The following SAMMSON variants were observed in gnomAD, a reference collection of about 807,000 sequenced individuals.
The protein encoded by SAMMSON is long intergenic non-protein coding RNA 1212.
At chr3:70,198,524 A>C (rs1320165312) in intron 4 of SAMMSON, among the ~76,000 whole-genome samples, 2 of 152,230 alleles carry the variant, frequency 1.3e-5, no homozygotes, top group Non-Finnish European at 2.9e-5. Context: ...TCTTGTAAAA[A>C]CACTATATAA....
At chr3:70,288,801 T>C (rs1458498716) in intron 6 of SAMMSON, among the ~76,000 whole-genome samples, 1 of 151,884 alleles carries the variant, frequency 6.6e-6, no homozygotes, top group Admixed American at 6.6e-5. Flanking sequence ...TTGATCCCTT[T>C]ACCATTATGT....
intron 6 of SAMMSON, among the ~76,000 whole-genome samples, chr3:70,253,104 AC>A: frequency 6.6e-6 from 1 of 152,300 alleles, no homozygotes; most frequent in Non-Finnish European, 1.5e-5. Context: ...TCGAAGAGAA[AC>A]TAATACCTAA....
At chr3:70,345,203 G>C (rs73106688) in intron 7 of SAMMSON, among the ~76,000 whole-genome samples, 1 of 151,854 alleles carries the variant, frequency 6.6e-6, no homozygotes, top group Non-Finnish European at 1.5e-5. Context: ...GAGTAATCTA[G>C]TTCTCAATAT....
intron 4 of SAMMSON, chr3:70,172,988 C>T (rs1052920005): frequency 2.6e-5 from 4 of 151,850 alleles, no homozygotes; most frequent in Non-Finnish European, 4.4e-5. Context: ...ATTTTCTACT[C>T]TTAATCGTTT....
chr3:70,188,074 C>T (rs952067933), intron 4 of SAMMSON, among the ~76,000 whole-genome samples: 3 of 152,198 alleles, frequency 2.0e-5, no homozygotes, highest in Non-Finnish European at 4.4e-5. Context: ...AAACTCGTCT[C>T]TATCTGTCTG....
At chr3:70,138,593 C>T (rs1486937478) in intron 4 of SAMMSON, among the ~76,000 whole-genome samples, 1 of 152,146 alleles carries the variant, frequency 6.6e-6, no homozygotes, top group Non-Finnish European at 1.5e-5. Context: ...ACATTTAGTC[C>T]ATTGCATTCT....
chr3:70,126,002 G>C, intron 4 of SAMMSON: 1 of 820,020 alleles, frequency 1.2e-6, no homozygotes. Flanking sequence ...TAGATGGGAG[G>C]CTGCGCAGTA....
chr3:70,404,435 C>A (rs1208307507), intron 2 of SAMMSON, among the ~76,000 whole-genome samples: 15 of 152,024 alleles, frequency 9.9e-5, no homozygotes, highest in Admixed American at 9.8e-4. Context: ...TTCAGAGATA[C>A]CCGGTAGACA....
At chr3:70,013,339 G>A (rs1442514285) in intron 2 of SAMMSON, among the ~76,000 whole-genome samples, 1 of 152,098 alleles carries the variant, frequency 6.6e-6, no homozygotes, top group South Asian at 2.1e-4. Context: ...GTTGTTATGA[G>A]GAGTAAAATC....
intron 4 of SAMMSON, among the ~76,000 whole-genome samples, chr3:70,080,834 G>A (rs2106640964): frequency 6.6e-6 from 1 of 152,122 alleles, no homozygotes; most frequent in Middle Eastern, 3.4e-3. Flanking sequence ...CCTTAGAAGT[G>A]TGAAAAAAGA....
chr3:70,126,769 G>A (rs573727084), intron 4 of SAMMSON: 6 of 232,870 alleles, frequency 2.6e-5, no homozygotes, highest in South Asian at 2.4e-4. Context: ...AGGCTGGAGT[G>A]CAGTGGCACA....
intron 3 of SAMMSON, among the ~76,000 whole-genome samples, chr3:70,053,819 C>G (rs2067156418): frequency 6.6e-6 from 1 of 151,928 alleles, no homozygotes; most frequent in Non-Finnish European, 1.5e-5. Context: ...TGGATATACC[C>G]ACATGTTGGG....
chr3:70,334,666 A>G (rs144709717), intron 7 of SAMMSON, among the ~76,000 whole-genome samples: 1 of 152,180 alleles, frequency 6.6e-6, no homozygotes, highest in African/African-American at 2.4e-5. Context: ...ATTTTGTTCA[A>G]TACTCACAAC....
intron 4 of SAMMSON, among the ~76,000 whole-genome samples, chr3:70,189,962 G>A (rs1341510034): frequency 5.3e-5 from 8 of 152,048 alleles, no homozygotes; most frequent in African/African-American, 1.9e-4. Flanking sequence ...GCCAAGAATT[G>A]GATTTGTTCC....
At chr3:70,294,416 G>A (rs943925041) in intron 7 of SAMMSON, among the ~76,000 whole-genome samples, 13 of 151,996 alleles carry the variant, frequency 8.6e-5, no homozygotes, top group African/African-American at 2.2e-4. Flanking sequence ...CTGTAGGTAC[G>A]TAGGAGAATA....
At chr3:70,418,981 C>CCT (rs1374352220) in intron 2 of SAMMSON, among the ~76,000 whole-genome samples, 7,604 of 73,180 alleles carry the variant, frequency 0.1, 332 homozygotes, top group Non-Finnish European at 0.14. Context: ...TTCCTTCCTT[C>CCT]TCTCTCTCTC....
chr3:70,295,574 G>A (rs755914036), intron 7 of SAMMSON, among the ~76,000 whole-genome samples: 19 of 151,984 alleles, frequency 1.3e-4, no homozygotes, highest in African/African-American at 2.7e-4. Flanking sequence ...TTGGTGGTGC[G>A]CACCTGTAGT....
intron 6 of SAMMSON, among the ~76,000 whole-genome samples, chr3:70,287,388 T>G (rs1375143367): frequency 6.6e-6 from 1 of 151,240 alleles, no homozygotes; most frequent in Non-Finnish European, 1.5e-5. Flanking sequence ...TGAACCAGCC[T>G]TGCATCCCAG....
chr3:70,293,045 CAAAA>C (rs55990203), intron 7 of SAMMSON, among the ~76,000 whole-genome samples: 14 of 74,780 alleles, frequency 1.9e-4, no homozygotes, highest in African/African-American at 4.9e-4. Context: ...TGGTTTGAAG[CAAAA>C]AAAAAAAAAA....
Sources: gnomAD v4.1 joint callset for allele counts (sites outside exome capture counted in the v4.1 genomes callset) on GRCh38, gnomAD v4.1.1 for gene constraint, MANE v1.5 for transcripts, NCBI Gene and HGNC (gene_info 2026-07-23, HGNC 2026-07-21) for gene names.